Variants in OPCML observed in about 807,000 individuals in gnomAD.
The protein encoded by OPCML is opioid binding protein/cell adhesion molecule like.
Under a neutral mutation model 37.8 loss-of-function variants are expected in OPCML, and 13 were observed. The ratio of observed to expected loss-of-function variants is 0.34; its 90% CI spans 0.22 to 0.55. The LOEUF is 0.55. Ranked by LOEUF, OPCML falls within the 20% of genes least tolerant of loss-of-function variation. The pLI, the probability that OPCML is intolerant of heterozygous loss-of-function variation, is 0.91. For missense variants in OPCML, 341 were observed against 435.6 expected (o/e 0.78, Z 1.93); for synonymous variants, 176 against 168.8 (o/e 1.04, Z -0.33).
At chr11:133,084,695 C>T (rs573809533) in intron 1 of OPCML, among the ~76,000 whole-genome samples, 4 of 152,360 alleles carry the variant, frequency 2.6e-5, no homozygotes, top group East Asian at 1.9e-4. Context: ...CTCTCTTGCT[C>T]AGCCTCATGG....
chr11:132,988,300 G>A (rs564128515), intron 1 of OPCML, among the ~76,000 whole-genome samples: 5 of 152,138 alleles, frequency 3.3e-5, no homozygotes, highest in African/African-American at 9.7e-5. Flanking sequence ...CTTGCATAAA[G>A]TGCTAATTTA....
chr11:132,629,119 G>A (rs1488758617), intron 3 of OPCML, among the ~76,000 whole-genome samples: 3 of 152,100 alleles, frequency 2.0e-5, no homozygotes, highest in Non-Finnish European at 4.4e-5. Context: ...GGAAAGCACA[G>A]TAACACTTTC....
chr11:133,123,697 T>C (rs1262049864), intron 1 of OPCML, among the ~76,000 whole-genome samples: 1 of 151,978 alleles, frequency 6.6e-6, no homozygotes, highest in Non-Finnish European at 1.5e-5. Context: ...AATAACCATA[T>C]GCCAAAAGGT....
chr11:132,639,182 G>A (rs560558632), intron 3 of OPCML, among the ~76,000 whole-genome samples: 13 of 152,330 alleles, frequency 8.5e-5, no homozygotes, highest in Admixed American at 4.6e-4. Context: ...CTTTTAACAC[G>A]TGAGGAAAGA....
intron 2 of OPCML, among the ~76,000 whole-genome samples, chr11:132,770,409 G>A (rs569529547): frequency 3.3e-5 from 5 of 152,056 alleles, no homozygotes; most frequent in South Asian, 2.1e-4. Flanking sequence ...GGAAAGACAC[G>A]GAGGGAGGGA....
At chr11:132,544,587 A>G (rs1591530994) in intron 3 of OPCML, among the ~76,000 whole-genome samples, 1 of 152,218 alleles carries the variant, frequency 6.6e-6, no homozygotes, top group African/African-American at 2.4e-5. Flanking sequence ...TAGAGGCTCC[A>G]GTGTCACCAG....
intron 1 of OPCML, among the ~76,000 whole-genome samples, chr11:133,242,550 G>T (rs1428043044): frequency 6.6e-6 from 1 of 152,152 alleles, no homozygotes; most frequent in Non-Finnish European, 1.5e-5. Flanking sequence ...CTTTCTTTGT[G>T]CAGGTGCCTC....
intron 1 of OPCML, among the ~76,000 whole-genome samples, chr11:133,464,599 A>G (rs1480222930): frequency 6.6e-6 from 1 of 152,170 alleles, no homozygotes; most frequent in African/African-American, 2.4e-5. Flanking sequence ...TAACATCCAG[A>G]GTGGCATCCT....
intron 1 of OPCML, among the ~76,000 whole-genome samples, chr11:133,466,990 C>G (rs1320633922): frequency 1.3e-5 from 2 of 150,994 alleles, no homozygotes; most frequent in Non-Finnish European, 2.9e-5. Flanking sequence ...AAAAAGTTAA[C>G]TACTGTTATT....
chr11:132,674,413 T>C (rs1359167101), intron 2 of OPCML, among the ~76,000 whole-genome samples: 1 of 152,200 alleles, frequency 6.6e-6, no homozygotes, highest in African/African-American at 2.4e-5. Context: ...CATTGAAGGC[T>C]GAACTTTTTG....
chr11:133,056,694 G>A (rs560803839), intron 1 of OPCML, among the ~76,000 whole-genome samples: 64 of 152,262 alleles, frequency 4.2e-4, no homozygotes, highest in African/African-American at 1.5e-3. Flanking sequence ...AAGCCCTCAA[G>A]CATGTGCAGT....
chr11:132,457,555 A>G (rs1480883650), intron 4 of OPCML, among the ~76,000 whole-genome samples: 1 of 152,132 alleles, frequency 6.6e-6, no homozygotes, highest in African/African-American at 2.4e-5. Flanking sequence ...GAGATAACCA[A>G]ACAAATACCA....
At chr11:133,053,980 G>A (rs1486465943) in intron 1 of OPCML, among the ~76,000 whole-genome samples, 1 of 152,084 alleles carries the variant, frequency 6.6e-6, no homozygotes, top group South Asian at 2.1e-4. Flanking sequence ...CCTTTCATGG[G>A]GTCTCAATCT....
chr11:132,517,943 G>T (rs1024440640), intron 4 of OPCML, among the ~76,000 whole-genome samples: 1 of 152,096 alleles, frequency 6.6e-6, no homozygotes, highest in African/African-American at 2.4e-5. Context: ...AGAATGAGTA[G>T]ATCAGAAATG....
intron 2 of OPCML, among the ~76,000 whole-genome samples, chr11:132,663,931 C>T (rs961298049): frequency 1.1e-4 from 16 of 152,118 alleles, no homozygotes; most frequent in Non-Finnish European, 1.0e-4. Flanking sequence ...CTCCCGGGTT[C>T]ACGCCATTCT....
chr11:133,307,391 G>A (rs1000685193), intron 1 of OPCML, among the ~76,000 whole-genome samples: 17 of 152,198 alleles, frequency 1.1e-4, no homozygotes, highest in South Asian at 4.1e-4. Context: ...TGATTTCTAC[G>A]TCCTTTCTGC....
rs955139000 is a variant in OPCML, at chr11:132,648,443, C to T, written c.379+8644G>A. 2.0e-5 allele frequency among the ~76,000 whole-genome samples: 3 copies of T among 152,074 alleles called. No individual in the cohort carries two copies. In the East Asian group the frequency reaches 5.8e-4, roughly 29 times the overall value. On this transcript the variant is annotated intron_variant, in intron 3 of 7. Coordinates refer to ENST00000524381, the MANE Select transcript of OPCML (RefSeq NM_001012393.5). Reference sequence around the variant, plus strand: ...CATCAGTGATGATTTTGAGAACAGGCATTACGACTGTTCCGTTTATTTAAT... The same window carrying T: ...CATCAGTGATGATTTTGAGAACAGGTATTACGACTGTTCCGTTTATTTAAT...
intron 1 of OPCML, among the ~76,000 whole-genome samples, chr11:133,487,218 C>A (rs993758700): frequency 6.6e-6 from 1 of 152,132 alleles, no homozygotes; most frequent in African/African-American, 2.4e-5. Flanking sequence ...ATATCCAAAT[C>A]TTTTATCATG....
At chr11:132,761,379 T>TG (rs1591571592) in intron 2 of OPCML, among the ~76,000 whole-genome samples, 1 of 152,188 alleles carries the variant, frequency 6.6e-6, no homozygotes, top group African/African-American at 2.4e-5. Flanking sequence ...GAAGTTCTAC[T>TG]GGATGATATC....
Sources: allele counts gnomAD v4.1 joint callset (sites outside exome capture counted in the v4.1 genomes callset), GRCh38; gene constraint gnomAD v4.1.1; transcripts MANE v1.5; gene names NCBI Gene and HGNC (gene_info 2026-07-23, HGNC 2026-07-21).